Variants in KIAA1614 observed in about 807,000 individuals in gnomAD.
The protein encoded by KIAA1614 is KIAA1614.
In KIAA1614, 76 loss-of-function variants were observed where a neutral mutation model predicts 88.7. The observed-to-expected ratio is 0.86, with a 90% CI of 0.71 to 1.04. The LOEUF is 1.04. Among genes scored for constraint, KIAA1614 ranks in the 50% least tolerant of loss-of-function variants. KIAA1614 has a pLI of 0.00. For synonymous variants in KIAA1614, 714 were observed against 675.5 expected, an observed-to-expected ratio of 1.06 and a Z score of -0.88; for missense variants, 1,553 against 1,582.5, an observed-to-expected ratio of 0.98 and a Z score of 0.32.
chr1:180,934,086 C>G (rs576646196), intron 4 of KIAA1614, among the ~76,000 whole-genome samples: 3 of 152,246 alleles, frequency 2.0e-5, no homozygotes, highest in African/African-American at 7.2e-5. Context: ...GAAACCCCGT[C>G]TCTACTAAAA....
chr1:180,927,898 C>G (rs1230878215), intron 3 of KIAA1614, among the ~76,000 whole-genome samples: 4 of 152,168 alleles, frequency 2.6e-5, no homozygotes, highest in Non-Finnish European at 5.9e-5. Context: ...AATGCCATTC[C>G]CCCAAAGGGC....
At chr1:180,928,992 T>G (rs149538534) in intron 4 of KIAA1614, among the ~76,000 whole-genome samples, 3 of 152,230 alleles carry the variant, frequency 2.0e-5, no homozygotes, top group South Asian at 4.1e-4. Context: ...AGTATAGATA[T>G]GCACTGGCAA....
Position 180,951,560 on chromosome 1 carries a change from G to A in KIAA1614, c.*5972G>A, listed in dbSNP as rs1462639302. 1.3e-5 allele frequency: 2 copies of A among 152,366 alleles called. No homozygotes were observed. The highest frequency in any genetic ancestry group is 2.9e-5 in the Non-Finnish European group (2 of 68,142). The allele number at this position is 152,366 out of a possible 1,614,324, so 9.4% of individuals were successfully genotyped here. ...TGGAGGGCTGGGACTCTTTGGGAGT[G>A]GATGGCCATGTGTCAGTCTTAACTT... On this transcript the variant is annotated 3_prime_UTR_variant, in exon 9 of 9. Transcript: ENST00000367588.
intron 3 of KIAA1614, among the ~76,000 whole-genome samples, chr1:180,921,257 CAGA>C: frequency 6.6e-6 from 1 of 152,066 alleles, no homozygotes; most frequent in East Asian, 1.9e-4. Flanking sequence ...GATTTTGAGC[CAGA>C]AGAAGGAATT....
At chr1:180,930,509 C>T (rs1218350134) in intron 4 of KIAA1614, among the ~76,000 whole-genome samples, 2 of 152,206 alleles carry the variant, frequency 1.3e-5, no homozygotes, top group Non-Finnish European at 2.9e-5. Context: ...CTTAGACTTC[C>T]AAGCAACTCT....
Position 180,950,347 on chromosome 1 carries a change from C to A in KIAA1614, c.*4759C>A, listed in dbSNP as rs779073618. The stretch of plus-strand genomic sequence containing the variant: ...TCCTGTTTTCCTCTGCAGGGATCTA[C>A]GTGCAGGAGATGGCTGACATGAGCA... On this transcript the variant is annotated 3_prime_UTR_variant, in exon 9 of 9. Transcript: ENST00000367588. 1 of 1,211,192 alleles carries A rather than the reference C, an allele frequency of 8.3e-7. No individual in the cohort carries two copies. Among genetic ancestry groups the A allele is most frequent in the Non-Finnish European group, 1.1e-6 (1 of 950,454 alleles). The allele number at this position is 1,211,192 out of a possible 1,614,324, so 75.0% of individuals were successfully genotyped here.
Position 180,945,712 on chromosome 1 carries a change from C to A in KIAA1614, c.*124C>A. The A allele has an allele frequency of 1.4e-6, 2 of 1,405,744 alleles. No individual in the cohort carries two copies. The highest frequency in any genetic ancestry group is 1.8e-6 in the Non-Finnish European group (2 of 1,090,654). The allele number at this position is 1,405,744 out of a possible 1,614,324, so 87.1% of individuals were successfully genotyped here. On this transcript the variant is annotated 3_prime_UTR_variant, in exon 9 of 9. Coordinates refer to ENST00000367588, the MANE Select transcript of KIAA1614 (RefSeq NM_020950.2). ...GCACCTGCAGAGCCTTTGCCCTAGG[C>A]AACTGCAGCTGAGAGTGCGTTGGTG... is the stretch of plus-strand genomic sequence containing the variant.
At position 180,937,379 on chromosome 1, in the gene KIAA1614, G is replaced by A. The variant is rs192007002; in HGVS notation, c.2761+709G>A. Among the ~76,000 whole-genome samples the A allele has an allele frequency of 1.4e-3, 209 of 152,334 alleles. 3 individuals are homozygous for A. Among genetic ancestry groups the A allele is most frequent in the Non-Finnish European group, 2.4e-4 (16 of 68,022 alleles). ...CTCCCTGGCCCCTGGGCCTGTTGGT[G>A]GACCAGTAGGTTTCAGCAGGCAAGG... On this transcript the variant is annotated intron_variant, in intron 5 of 8. Transcript: ENST00000367588.
intron 4 of KIAA1614, among the ~76,000 whole-genome samples, chr1:180,930,528 A>G (rs1357815353): frequency 2.6e-5 from 4 of 152,342 alleles, no homozygotes; most frequent in Middle Eastern, 3.4e-3. Context: ...CTCCTGTTCT[A>G]CTTTGTAGAG....
rs772334197 is a variant in KIAA1614 at position 180,936,126 on chromosome 1, C to T, written c.2217C>T (p.Ser739=). Residue 739 remains serine, a synonymous_variant, in exon 5 of 9, where the codon TCC becomes TCT. Coordinates refer to ENST00000367588, the MANE Select transcript of KIAA1614 (RefSeq NM_020950.2). The part of the protein sequence containing the change: ...LGSHQPHPLD[S]RTPCRTAYAT... ...GTCACCAGCCTCACCCTTTGGATTC[C>T]CGGACTCCATGCAGGACAGCCTATG... The T allele has an allele frequency of 1.2e-6, 2 of 1,614,168 alleles. No homozygotes were observed. Among genetic ancestry groups the T allele is most frequent in the Non-Finnish European group, 1.7e-6 (2 of 1,180,008 alleles).
intron 7 of KIAA1614, among the ~76,000 whole-genome samples, chr1:180,943,598 G>A (rs1558073497): frequency 9.1e-6 from 1 of 109,778 alleles, no homozygotes; most frequent in East Asian, 3.0e-4. Context: ...ACTCAGGTTG[G>A]AGTGCAATGG....
intron 6 of KIAA1614, 45 bp from the exon 7 acceptor site, chr1:180,941,000 C>CCA: frequency 9.9e-7 from 1 of 1,010,172 alleles, no homozygotes; most frequent in Non-Finnish European, 1.4e-6. Context: ...CCTGGCCACC[C>CCA]TCCCGGCCCT....
chr1:180,942,025 C>T (rs1654478992), intron 7 of KIAA1614, among the ~76,000 whole-genome samples: 1 of 152,190 alleles, frequency 6.6e-6, no homozygotes, highest in Non-Finnish European at 1.5e-5. Context: ...CGCTCCCAAT[C>T]CTGCCTCAGG....
At position 180,935,242 on chromosome 1, in the gene KIAA1614, C is replaced by A. The variant is rs1398576779; in HGVS notation, c.1333C>A (p.Pro445Thr). The A allele has an allele frequency of 1.3e-6, 2 of 1,530,346 alleles. No homozygotes were observed. Among genetic ancestry groups the A allele is most frequent in the Non-Finnish European group, 1.8e-6 (2 of 1,142,036 alleles). The allele number at this position is 1,530,346 out of a possible 1,614,324, so 94.8% of individuals were successfully genotyped here. ...SSGGHRPRRG[P>T]SPSHVRFEDE... ...CGGTGGGCACAGGCCGAGGCGGGGC[C>A]CCTCGCCGTCGCACGTGCGCTTTGA... is the stretch of plus-strand genomic sequence containing the variant. The change falls in exon 5 of 9, where the codon CCC (proline) becomes ACC (threonine). Residue 445 changes from proline to threonine, a missense_variant. Pro to Thr is a conservative substitution (Grantham distance 38, BLOSUM62 -1). Transcript: ENST00000367588. The surrounding 1 kb of genome is among the most constrained non-coding windows in gnomAD (Gnocchi z 6.1).
chr1:180,941,267 G>T lies in KIAA1614; in HGVS notation c.3141G>T (p.Ser1047=). 1.9e-6 allele frequency: 3 copies of T among 1,610,098 alleles called. No individual in the cohort carries two copies. The South Asian group carries it at 3.3e-5, about 18-fold the overall frequency. The stretch of plus-strand genomic sequence containing the variant: ...TGACGTCACAGTCCAGGGCCCCATC[G>T]TTACAATCCCTGCACCCGGTGAGTC... ...PGLTSQSRAP[S]LQSLHPVSPS... is the part of the protein sequence containing the mutation. The change falls in exon 7 of 9, where the codon TCG becomes TCT. Residue 1047 remains serine (S), a synonymous_variant. Coordinates refer to ENST00000367588, the MANE Select transcript of KIAA1614 (RefSeq NM_020950.2).
chr1:180,920,204 G>T (rs1653923069), intron 3 of KIAA1614, among the ~76,000 whole-genome samples: 1 of 152,178 alleles, frequency 6.6e-6, no homozygotes, highest in Non-Finnish European at 1.5e-5. Flanking sequence ...ATTAAAGGTG[G>T]TCCCCAAGAC....
chr1:180,950,298 G>A lies in KIAA1614; in HGVS notation c.*4710G>A, dbSNP rs1351696633. Reference sequence around the variant, plus strand: ...CAGCATTCCAGAGATGCACTTCTTCGATTTGGGTGTCATTGTGAAATTCTC... The same window carrying A: ...CAGCATTCCAGAGATGCACTTCTTCAATTTGGGTGTCATTGTGAAATTCTC... On this transcript the variant is annotated 3_prime_UTR_variant, in exon 9 of 9. Coordinates refer to ENST00000367588, the MANE Select transcript of KIAA1614 (RefSeq NM_020950.2). 15 of 1,133,290 alleles carry A rather than the reference G, an allele frequency of 1.3e-5. No individual in the cohort carries two copies. Among genetic ancestry groups the A allele is most frequent in the South Asian group, 1.7e-5 (1 of 58,742 alleles). The allele number at this position is 1,133,290 out of a possible 1,614,324, so 70.2% of individuals were successfully genotyped here.
chr1:180,925,032 C>T (rs554381447), intron 3 of KIAA1614, among the ~76,000 whole-genome samples: 1 of 152,220 alleles, frequency 6.6e-6, no homozygotes, highest in South Asian at 2.1e-4. Flanking sequence ...TGAGGCTCAA[C>T]TCCTAAGTAA....
rs1220150576 is a variant in KIAA1614 at position 180,945,901 on chromosome 1, T to G, written c.*313T>G. 1 of 740,026 alleles carries G rather than the reference T, an allele frequency of 1.4e-6. No homozygotes were observed. Among genetic ancestry groups the G allele is most frequent in the Non-Finnish European group, 1.7e-6 (1 of 576,082 alleles). The allele number at this position is 740,026 out of a possible 1,614,324, so 45.8% of individuals were successfully genotyped here. On this transcript the variant is annotated 3_prime_UTR_variant, in exon 9 of 9. Coordinates refer to ENST00000367588, the MANE Select transcript of KIAA1614 (RefSeq NM_020950.2). Reference sequence around the variant, plus strand: ...GCCTGGATCACCTGAGGTCAGGAGTTCGAGACCAGTCTGGCCCACATGGTG... The same window carrying G: ...GCCTGGATCACCTGAGGTCAGGAGTGCGAGACCAGTCTGGCCCACATGGTG...
Sources: gnomAD v4.1 joint callset for allele counts (sites outside exome capture counted in the v4.1 genomes callset) on GRCh38, gnomAD v4.1.1 for gene constraint, Gnocchi (gnomAD v3.1) non-coding constraint, MANE v1.5 for transcripts, NCBI Gene and HGNC (gene_info 2026-07-23, HGNC 2026-07-21) for gene names.